Variants in CREB5 observed in about 807,000 individuals in gnomAD.
The protein encoded by CREB5 is cyclic AMP-responsive element-binding protein 5.
A neutral mutation model predicts 57.1 loss-of-function variants in CREB5; 19 were observed. The ratio of observed to expected loss-of-function variants is 0.33; its 90% CI spans 0.23 to 0.49. CREB5 has a LOEUF of 0.49. Ranked by LOEUF, CREB5 falls within the 20% of genes least tolerant of loss-of-function variation. The pLI is 0.99. For synonymous variants in CREB5, 238 were observed against 238.3 expected (o/e 1.00, Z 0.01); for missense variants, 579 against 671.6 (o/e 0.86, Z 1.52).
At chr7:28,534,695 C>G (rs1383081333) in intron 4 of CREB5, among the ~76,000 whole-genome samples, 1 of 146,620 alleles carries the variant, frequency 6.8e-6, no homozygotes, top group East Asian at 2.0e-4. Flanking sequence ...GTTTAAAAAC[C>G]CTGGATTTTC....
At chr7:28,531,757 G>A (rs866807189) in intron 4 of CREB5, among the ~76,000 whole-genome samples, 3 of 152,196 alleles carry the variant, frequency 2.0e-5, no homozygotes, top group Non-Finnish European at 2.9e-5. Flanking sequence ...CTAGCCGGGC[G>A]TGGGGGCTCA....
upstream of CREB5, chr7:28,410,052 G>A: frequency 2.3e-6 from 1 of 435,416 alleles, no homozygotes; most frequent in Non-Finnish European, 4.6e-6. Flanking sequence ...AGGACGCCGG[G>A]TCACCTAGGG....
chr7:28,681,104 G>A lies in CREB5; in HGVS notation c.465-37649G>A, dbSNP rs191345883. The stretch of plus-strand genomic sequence containing the variant: ...TGCTGTGGGGGTCCAAAAAAAGGGA[G>A]CAAGAGGAATCTGAGGCCCTCCAGG... On this transcript the variant is annotated intron_variant, in intron 5 of 10. Coordinates refer to ENST00000357727, the MANE Select transcript of CREB5 (RefSeq NM_182898.4). Among the ~76,000 whole-genome samples, 153 of 135,972 alleles carry A rather than the reference G, an allele frequency of 1.1e-3. 1 individual carries two copies. Among genetic ancestry groups the A allele is most frequent in the African/African-American group, 2.8e-3 (114 of 40,742 alleles). The allele number at this position is 135,972 out of a possible 152,430, so 89.2% of individuals were successfully genotyped here.
intron 1 of CREB5, among the ~76,000 whole-genome samples, chr7:28,406,322 G>GATCC (rs1162057246): frequency 3.3e-5 from 5 of 152,170 alleles, no homozygotes; most frequent in Non-Finnish European, 5.9e-5. Flanking sequence ...CACTGCCCAG[G>GATCC]ATCCAGCAAC....
At chr7:28,628,471 A>G (rs1011297041) in intron 5 of CREB5, among the ~76,000 whole-genome samples, 1 of 152,126 alleles carries the variant, frequency 6.6e-6, no homozygotes, top group Non-Finnish European at 1.5e-5. Context: ...TCAGCACCCA[A>G]GGAAAATAAA....
At chr7:28,813,121 G>T (rs1390159760) in intron 9 of CREB5, among the ~76,000 whole-genome samples, 1 of 152,214 alleles carries the variant, frequency 6.6e-6, no homozygotes, top group Non-Finnish European at 1.5e-5. Context: ...AGAAACTGAG[G>T]TTAGGGAAAT....
chr7:28,651,735 G>A (rs1250349623), intron 5 of CREB5, among the ~76,000 whole-genome samples: 1 of 152,084 alleles, frequency 6.6e-6, no homozygotes, highest in Non-Finnish European at 1.5e-5. Context: ...TGTTTTCAAG[G>A]TGCTGTTTTG....
At chr7:28,476,077 C>A (rs1427213920) in intron 1 of CREB5, among the ~76,000 whole-genome samples, 1 of 152,148 alleles carries the variant, frequency 6.6e-6, no homozygotes, top group Non-Finnish European at 1.5e-5. Context: ...AACGAACAGA[C>A]CAAACCTACC....
At chr7:28,578,203 T>C (rs577506287) in intron 5 of CREB5, among the ~76,000 whole-genome samples, 57 of 152,314 alleles carry the variant, frequency 3.7e-4, no homozygotes, top group African/African-American at 1.3e-3. Context: ...GAGTATGTAG[T>C]CTCCCATAAC....
chr7:28,559,057 G>A (rs1325925090), intron 4 of CREB5, among the ~76,000 whole-genome samples: 1 of 152,164 alleles, frequency 6.6e-6, no homozygotes, highest in Non-Finnish European at 1.5e-5. Context: ...ACACAGGTGT[G>A]AGAGCTTGGC....
At chr7:28,550,207 C>T (rs1405998542) in intron 4 of CREB5, among the ~76,000 whole-genome samples, 1 of 152,006 alleles carries the variant, frequency 6.6e-6, no homozygotes, top group Non-Finnish European at 1.5e-5. Context: ...TTTTCCTCCT[C>T]TTCCTCCTTC....
chr7:28,643,032 A>T (rs1032442920), intron 5 of CREB5, among the ~76,000 whole-genome samples: 5 of 146,444 alleles, frequency 3.4e-5, no homozygotes, highest in South Asian at 2.2e-4. Flanking sequence ...ACACACACAC[A>T]CTTTGGGCTT....
intron 5 of CREB5, among the ~76,000 whole-genome samples, chr7:28,581,883 C>T (rs1304427154): frequency 1.3e-5 from 2 of 152,198 alleles, no homozygotes; most frequent in Admixed American, 1.3e-4. Flanking sequence ...ACTTGGTGCA[C>T]ACCTTCTCAC....
intron 1 of CREB5, among the ~76,000 whole-genome samples, chr7:28,380,559 G>T (rs2127995779): frequency 6.6e-6 from 1 of 152,308 alleles, no homozygotes; most frequent in South Asian, 2.1e-4. Flanking sequence ...GTAAACATCA[G>T]TATGCAATTA....
chr7:28,715,029 GTGT>G (rs1802599469), intron 5 of CREB5, among the ~76,000 whole-genome samples: 1 of 152,232 alleles, frequency 6.6e-6, no homozygotes, highest in African/African-American at 2.4e-5. Flanking sequence ...TCTAACTGAT[GTGT>G]TGTTTGGGAA....
At chr7:28,473,474 T>G (rs904447155) in intron 1 of CREB5, among the ~76,000 whole-genome samples, 3 of 152,240 alleles carry the variant, frequency 2.0e-5, no homozygotes, top group African/African-American at 7.2e-5. Context: ...GTTTTGCTTT[T>G]TGTTTCTTTG....
At chr7:28,572,905 T>C (rs1795759120) in intron 5 of CREB5, among the ~76,000 whole-genome samples, 1 of 152,216 alleles carries the variant, frequency 6.6e-6, no homozygotes, top group African/African-American at 2.4e-5. Context: ...GCTCCTGGTG[T>C]GTTCTAGGAG....
intron 1 of CREB5, among the ~76,000 whole-genome samples, chr7:28,379,861 T>G (rs1309813375): frequency 1.3e-5 from 2 of 152,200 alleles, no homozygotes; most frequent in African/African-American, 4.8e-5. Context: ...TCTATTGAGT[T>G]AGAAATTCTG....
rs570448041 is a variant in CREB5, at chr7:28,452,944, A to T, written c.4-35231A>T. Among the ~76,000 whole-genome samples the T allele has an allele frequency of 3.2e-4, 49 of 152,346 alleles. 1 individual carries two copies. In the South Asian group the frequency reaches 9.5e-3, roughly 30 times the overall value. On this transcript the variant is annotated intron_variant, in intron 1 of 10. Transcript: ENST00000357727. ...AAATGCCAGGCTGCCACACTGGAAG[A>T]CTGAAGGAAGGGAAGATCTCCCATG...
Sources: gnomAD v4.1 joint callset for allele counts (sites outside exome capture counted in the v4.1 genomes callset) on GRCh38, gnomAD v4.1.1 for gene constraint, MANE v1.5 for transcripts, NCBI Gene and HGNC (gene_info 2026-07-23, HGNC 2026-07-21) for gene names.